ENTPD1: variants seen among roughly 807,000 people sequenced by gnomAD.
ENTPD1 encodes ectonucleoside triphosphate diphosphohydrolase 1.
ENTPD1 carries 33 observed loss-of-function variants against 57.0 expected under a neutral mutation model. That is an observed-to-expected ratio of 0.58 (90% CI 0.44 to 0.77). The LOEUF (loss-of-function observed/expected upper bound fraction) is 0.77. ENTPD1 is among the 30% of genes least tolerant of loss of function. The pLI, the probability that ENTPD1 is intolerant of heterozygous loss-of-function variation, is 0.00. For missense variants in ENTPD1, 501 were observed against 603.4 expected (o/e 0.83, Z 1.78); for synonymous variants, 202 against 218.8 (o/e 0.92, Z 0.68).
At chr10:95,814,134 T>A (rs1264017597) in intron 1 of ENTPD1, among the ~76,000 whole-genome samples, 3 of 152,232 alleles carry the variant, frequency 2.0e-5, no homozygotes, top group African/African-American at 7.2e-5. Context: ...CACAGGGAAT[T>A]CCTGTCTGCA....
At chr10:95,728,087 T>A (rs2097985504) in intron 1 of ENTPD1, among the ~76,000 whole-genome samples, 1 of 152,220 alleles carries the variant, frequency 6.6e-6, no homozygotes, top group South Asian at 2.1e-4. Context: ...ATTTAGGCTA[T>A]CTAACTATTG....
At chr10:95,824,233 A>G (rs2098365196) in intron 2 of ENTPD1, among the ~76,000 whole-genome samples, 1 of 152,274 alleles carries the variant, frequency 6.6e-6, no homozygotes, top group Non-Finnish European at 1.5e-5. Flanking sequence ...GCTAATATGC[A>G]TGTATGTACA....
Position 95,869,793 on chromosome 10 carries a change from C to T in ENTPD1, c.*3410C>T. 1 of 725,804 alleles carries T rather than the reference C, an allele frequency of 1.4e-6. No homozygotes were observed. The highest frequency in any genetic ancestry group is 1.7e-6 in the Non-Finnish European group (1 of 593,346). 45.0% of individuals were successfully genotyped at this position (725,804 alleles called of 1,614,324 possible). On this transcript the variant is annotated 3_prime_UTR_variant, in exon 10 of 10. Transcript: ENST00000371205. ...GAGAGTTTTCAGAAAGCAACTAAAT[C>T]CAAAATACTATCAAGGAATCAATAT...
chr10:95,806,056 A>G (rs1450276083), intron 1 of ENTPD1, among the ~76,000 whole-genome samples: 1 of 152,240 alleles, frequency 6.6e-6, no homozygotes, highest in Non-Finnish European at 1.5e-5. Flanking sequence ...AGGTTGGGGA[A>G]GTTCTCCTGG....
chr10:95,806,337 TCCA>T (rs2098272413), intron 1 of ENTPD1, among the ~76,000 whole-genome samples: 1 of 152,262 alleles, frequency 6.6e-6, no homozygotes, highest in Admixed American at 6.5e-5. Flanking sequence ...GGTTTTCAGC[TCCA>T]TCAGGTCATT....
chr10:95,752,240 G>A (rs564085114), upstream of ENTPD1, among the ~76,000 whole-genome samples: 43 of 152,338 alleles, frequency 2.8e-4, no homozygotes, highest in African/African-American at 9.9e-4. Flanking sequence ...GTAAATGAAT[G>A]AGGAGAGAAT....
chr10:95,846,951 T>C (rs1460703953), intron 6 of ENTPD1, among the ~76,000 whole-genome samples: 1 of 151,948 alleles, frequency 6.6e-6, no homozygotes, highest in African/African-American at 2.4e-5. Flanking sequence ...ATTGCGCCAT[T>C]TTACTCCAGC....
intron 1 of ENTPD1, among the ~76,000 whole-genome samples, chr10:95,747,818 G>GT (rs917688942): frequency 5.9e-4 from 89 of 151,358 alleles, no homozygotes; most frequent in Middle Eastern, 3.4e-3. Flanking sequence ...TGGTTTAACA[G>GT]TTTTTTTTGG....
intron 1 of ENTPD1, among the ~76,000 whole-genome samples, chr10:95,740,760 C>T (rs1356470806): frequency 1.3e-5 from 2 of 152,254 alleles, no homozygotes; most frequent in African/African-American, 2.4e-5. Context: ...TCAGCACTTG[C>T]TGCTTCACCT....
upstream of ENTPD1, among the ~76,000 whole-genome samples, chr10:95,750,949 G>C (rs2098011130): frequency 6.8e-6 from 1 of 146,132 alleles, no homozygotes; most frequent in Non-Finnish European, 1.5e-5. Flanking sequence ...CTTGAACCTG[G>C]GAGGCGGAGG....
chr10:95,868,607 G>C lies in ENTPD1; in HGVS notation c.*2224G>C. ...CACTGTCATGCACACAATCTATTCTGACCCTCACAACAACCCATAAGGGTG... is the reference window on the plus strand; with the variant it reads ...CACTGTCATGCACACAATCTATTCTCACCCTCACAACAACCCATAAGGGTG... On this transcript the variant is annotated 3_prime_UTR_variant, in exon 10 of 10. Coordinates refer to ENST00000371205, the MANE Select transcript of ENTPD1 (RefSeq NM_001776.6). The C allele has an allele frequency of 1.0e-6, 1 of 985,008 alleles. No individual in the cohort carries two copies. The highest frequency in any genetic ancestry group is 1.7e-5 in the African/African-American group (1 of 57,312). The allele number at this position is 985,008 out of a possible 1,614,324, so 61.0% of individuals were successfully genotyped here.
chr10:95,770,536 C>T (rs2098112459), intron 1 of ENTPD1, among the ~76,000 whole-genome samples: 1 of 152,096 alleles, frequency 6.6e-6, no homozygotes, highest in African/African-American at 2.4e-5. Flanking sequence ...TGCTGATGTC[C>T]ATCCAGACTG....
chr10:95,717,628 C>T (rs2097972997), intron 1 of ENTPD1, among the ~76,000 whole-genome samples: 1 of 152,152 alleles, frequency 6.6e-6, no homozygotes, highest in Non-Finnish European at 1.5e-5. Flanking sequence ...GGTCACCTTT[C>T]CCAGCTAGGT....
upstream of ENTPD1, among the ~76,000 whole-genome samples, chr10:95,709,487 G>A (rs905810221): frequency 3.9e-5 from 6 of 151,964 alleles, no homozygotes; most frequent in African/African-American, 9.7e-5. Context: ...GGGTTCAAGC[G>A]ATTCTTCTGC....
At chr10:95,847,843 C>A in intron 7 of ENTPD1, 137 bp downstream of exon 7, 1 of 1,254,322 alleles carries the variant, frequency 8.0e-7, no homozygotes. Flanking sequence ...GTTGGTTCTT[C>A]AGCTCAACTA....
At position 95,869,354 on chromosome 10, in the gene ENTPD1, A is replaced by G. The variant is rs2098478051; in HGVS notation, c.*2971A>G. The G allele has an allele frequency of 1.3e-6, 1 of 784,172 alleles. No individual in the cohort carries two copies. Among genetic ancestry groups the G allele is most frequent in the Admixed American group, 6.6e-5 (1 of 15,228 alleles). The allele number at this position is 784,172 out of a possible 1,614,324, so 48.6% of individuals were successfully genotyped here. A position where few individuals can be genotyped will look rare whatever the true frequency, so the allele number is the denominator to read the frequency against. Reference sequence around the variant, plus strand: ...AACCTCCGCCTCCTGGGTTCAAGCAATTCTCCTGCCTCAGCCTCCCGAGTA... The same window carrying G: ...AACCTCCGCCTCCTGGGTTCAAGCAGTTCTCCTGCCTCAGCCTCCCGAGTA... On this transcript the variant is annotated 3_prime_UTR_variant, in exon 10 of 10. Transcript: ENST00000371205.
chr10:95,861,778 G>A (rs2098465753), intron 8 of ENTPD1: 1 of 152,008 alleles, frequency 6.6e-6, no homozygotes, highest in Admixed American at 6.6e-5. Flanking sequence ...ATTACTTCTG[G>A]TTTAGATTAA....
In ENTPD1 at chr10:95,877,137, A is replaced by G. The variant is rs2098486494; in HGVS notation, c.*10754A>G. ...GTAGAAAATCAATTGGTTATCTTAT[A>G]GAGTCTCCTAGAATATTTCATTGGC... On this transcript the variant is annotated 3_prime_UTR_variant, in exon 10 of 10. Coordinates refer to ENST00000371205, the MANE Select transcript of ENTPD1 (RefSeq NM_001776.6). 6.6e-6 allele frequency among the ~76,000 whole-genome samples: 1 copy of G among 152,238 alleles called. No individual in the cohort carries two copies. The highest frequency in any genetic ancestry group is 2.1e-4 in the South Asian group (1 of 4,832).
chr10:95,795,063 CT>C (rs1340237276), intron 1 of ENTPD1, among the ~76,000 whole-genome samples: 5 of 152,102 alleles, frequency 3.3e-5, no homozygotes, highest in Non-Finnish European at 7.4e-5. Flanking sequence ...GAGAAGATTA[CT>C]CTGGCCGTAG....
Sources: allele counts gnomAD v4.1 joint callset (sites outside exome capture counted in the v4.1 genomes callset), GRCh38; gene constraint gnomAD v4.1.1; transcripts MANE v1.5; gene names NCBI Gene and HGNC (gene_info 2026-07-23, HGNC 2026-07-21).